ACACA: variants seen among roughly 807,000 people sequenced by gnomAD.
ACACA encodes the protein acetyl-CoA carboxylase 1.
In ACACA, 103 loss-of-function variants were observed where a neutral mutation model predicts 296.1. The ratio of observed to expected loss-of-function variants is 0.35; its 90% CI spans 0.30 to 0.41. The LOEUF (loss-of-function observed/expected upper bound fraction) is 0.41, where lower values mean the gene tolerates loss of function less well. Ranked by LOEUF, ACACA falls within the 10% of genes least tolerant of loss-of-function variation. The pLI is 1.00. For synonymous variants in ACACA, 953 were observed against 1,038.6 expected, an observed-to-expected ratio of 0.92 and a Z score of 1.58; for missense variants, 1,554 against 2,989.7, an observed-to-expected ratio of 0.52 and a Z score of 11.20.
At chr17:37,325,588 T>TTTC (rs1231905504) in intron 3 of ACACA, among the ~76,000 whole-genome samples, 2 of 129,544 alleles carry the variant, frequency 1.5e-5, no homozygotes, top group African/African-American at 6.0e-5. Flanking sequence ...TCTTTTTTTT[T>TTTC]TTTTTTTTTT....
Position 37,330,444 on chromosome 17 carries a change from G to C in ACACA, c.86-19C>G. On this transcript the variant is annotated intron_variant, in intron 2 of 55. Transcript: ENST00000616317. The stretch of plus-strand genomic sequence containing the variant: ...CTTACAGCTATGGAGAAAATGAAAA[G>C]TGAGAAAGGCAGGTTATGAATAATA... 1 of 1,613,962 alleles carries C rather than the reference G, an allele frequency of 6.2e-7. No individual in the cohort carries two copies. The highest frequency in any genetic ancestry group is 8.5e-7 in the Non-Finnish European group (1 of 1,179,966).
chr17:37,089,872 C>T (rs1048955228), intron 54 of ACACA, among the ~76,000 whole-genome samples: 1 of 152,102 alleles, frequency 6.6e-6, no homozygotes, highest in African/African-American at 2.4e-5. Context: ...CTTTACAAAT[C>T]ATTTAGGAAT....
intron 2 of ACACA, among the ~76,000 whole-genome samples, chr17:37,337,335 G>GCAA (rs2048168247): frequency 6.7e-6 from 1 of 150,360 alleles, no homozygotes; most frequent in South Asian, 2.1e-4. Context: ...AGAATCGTTT[G>GCAA]AGCCCAGGAG....
intron 3 of ACACA, among the ~76,000 whole-genome samples, chr17:37,302,057 A>C (rs1196439340): frequency 6.6e-6 from 1 of 150,896 alleles, no homozygotes; most frequent in East Asian, 2.0e-4. Flanking sequence ...CTCCACTTAC[A>C]ACCTCTGCCA....
At chr17:37,251,218 T>C (rs139441249) in intron 16 of ACACA, among the ~76,000 whole-genome samples, 4 of 152,240 alleles carry the variant, frequency 2.6e-5, no homozygotes, top group Admixed American at 6.5e-5. Flanking sequence ...AAGCGGCCCA[T>C]GTATACAGGG....
At chr17:37,199,341 T>C (rs1261896029) in intron 35 of ACACA, among the ~76,000 whole-genome samples, 1 of 152,206 alleles carries the variant, frequency 6.6e-6, no homozygotes, top group Non-Finnish European at 1.5e-5. Context: ...ATTTTGATTA[T>C]AATCAGTCAT....
intron 45 of ACACA, among the ~76,000 whole-genome samples, chr17:37,141,896 G>T (rs1481502222): frequency 6.6e-6 from 1 of 151,714 alleles, no homozygotes; most frequent in Non-Finnish European, 1.5e-5. Context: ...TTACCATGTT[G>T]GCCAGGCTGG....
chr17:37,279,476 T>C (rs2082410335), intron 5 of ACACA, among the ~76,000 whole-genome samples: 1 of 151,744 alleles, frequency 6.6e-6, no homozygotes, highest in South Asian at 2.1e-4. Context: ...CTACTAAAAA[T>C]ACAAAAAATT....
chr17:37,163,948 C>A (rs1938158794), intron 41 of ACACA, among the ~76,000 whole-genome samples: 1 of 152,130 alleles, frequency 6.6e-6, no homozygotes, highest in African/African-American at 2.4e-5. Context: ...AGTTCCATTT[C>A]TTTTCTATGC....
intron 8 of ACACA, chr17:37,274,791 C>G: frequency 8.3e-6 from 3 of 363,420 alleles, no homozygotes; most frequent in Non-Finnish European, 1.1e-5. Context: ...ACTATAGCCT[C>G]TCCATTCAAA....
chr17:37,289,415 C>G, intron 3 of ACACA: 1 of 1,341,548 alleles, frequency 7.5e-7, no homozygotes, highest in Non-Finnish European at 9.9e-7. Flanking sequence ...GAAGTACCCA[C>G]ACCTTGAAAA....
chr17:37,374,905 A>G (rs1289396117), intron 1 of ACACA, among the ~76,000 whole-genome samples: 1 of 151,988 alleles, frequency 6.6e-6, no homozygotes, highest in Admixed American at 6.6e-5. Context: ...TAGAGATCAT[A>G]TGGTTCACGG....
At chr17:37,098,136 T>C in intron 52 of ACACA, 152 bp from the exon 53 acceptor site, 1 of 958,226 alleles carries the variant, frequency 1.0e-6, no homozygotes, top group Non-Finnish European at 1.6e-6. Context: ...CTTTGCTGAT[T>C]AACAGGGCCC....
chr17:37,340,699 T>C (rs1394306541), intron 1 of ACACA, among the ~76,000 whole-genome samples: 1 of 152,138 alleles, frequency 6.6e-6, no homozygotes, highest in Non-Finnish European at 1.5e-5. Context: ...AGTTATGCAG[T>C]CTGAGCTAGT....
At chr17:37,107,945 G>A (rs1375535971) in intron 52 of ACACA, among the ~76,000 whole-genome samples, 1 of 152,244 alleles carries the variant, frequency 6.6e-6, no homozygotes, top group Non-Finnish European at 1.5e-5. Context: ...TCCTGGCCTT[G>A]TGAGGCAGTA....
Position 37,248,651 on chromosome 17 carries a change from G to T in ACACA, c.2105C>A (p.Thr702Lys). 6.2e-7 allele frequency: 1 copy of T among 1,610,896 alleles called. No individual in the cohort carries two copies. The highest frequency in any genetic ancestry group is 8.5e-7 in the Non-Finnish European group (1 of 1,177,698). ...LERGQVLPAH[T>K]LLNTVDVELI... ...TTCAACATCTACTGTATTCAGAAGTGTATGAGCAGGAAGGACTTGACCCCT... is the reference window on the plus strand; with the variant it reads ...TTCAACATCTACTGTATTCAGAAGTTTATGAGCAGGAAGGACTTGACCCCT... Residue 702 changes from threonine (T) to lysine (K), a missense_variant, in exon 17 of 56, where the codon ACA becomes AAA. This residue lies in a region of ACACA where 316 missense variants were observed against 540.9 expected (regional missense o/e 0.58). Coordinates refer to ENST00000616317, the MANE Select transcript of ACACA (RefSeq NM_198834.3).
At chr17:37,294,103 A>G (rs1398781886) in intron 3 of ACACA, among the ~76,000 whole-genome samples, 1 of 152,014 alleles carries the variant, frequency 6.6e-6, no homozygotes, top group Non-Finnish European at 1.5e-5. Context: ...AGTTAACAAC[A>G]TTAAGTTACT....
chr17:37,133,449 A>C (rs1422575048), intron 45 of ACACA, among the ~76,000 whole-genome samples: 1 of 152,218 alleles, frequency 6.6e-6, no homozygotes, highest in East Asian at 1.9e-4. Flanking sequence ...AATCTGGGTT[A>C]GGATAAAATC....
At chr17:37,307,124 T>C (rs775511390) in intron 3 of ACACA, among the ~76,000 whole-genome samples, 4 of 152,260 alleles carry the variant, frequency 2.6e-5, no homozygotes, top group Non-Finnish European at 5.9e-5. Context: ...TCATATGATA[T>C]ACCATGATTT....
Sources: gnomAD v4.1 joint callset for allele counts (sites outside exome capture counted in the v4.1 genomes callset) on GRCh38, gnomAD v4.1.1 for gene constraint, gnomAD v4.1.1 regional missense constraint, MANE v1.5 for transcripts, NCBI Gene and HGNC (gene_info 2026-07-23, HGNC 2026-07-21) for gene names.